The following ATM variants were observed in gnomAD, a reference collection of about 807,000 sequenced individuals.
ATM encodes the protein serine-protein kinase ATM.
Under a neutral mutation model 387.0 loss-of-function variants are expected in ATM, and 308 were observed. That is an observed-to-expected ratio of 0.80 (90% confidence interval 0.73 to 0.87). The LOEUF is 0.87. ATM is among the 40% of genes least tolerant of loss of function. The pLI, the probability that ATM is intolerant of heterozygous loss-of-function variation, is 0.00. For missense variants in ATM, 3,312 were observed against 3,560.9 expected (o/e 0.93, Z 1.78); for synonymous variants, 1,156 against 1,187.3 (o/e 0.97, Z 0.54).
chr11:108,256,237 TC>T lies in ATM; in HGVS notation c.2149del (p.Arg717GlyfsTer18). 1 of 1,608,244 alleles carries T rather than the reference TC, an allele frequency of 6.2e-7. No individual in the cohort carries two copies. The highest frequency in any genetic ancestry group is 8.5e-7 in the Non-Finnish European group (1 of 1,176,178). On this transcript the variant is annotated frameshift_variant, in exon 14 of 63. Transcript: ENST00000675843. LOFTEE classifies it high-confidence loss of function. ...SSEITNSETL[V>X]RCSRLLVGVL... ...AAGATTACAAATTCAGAAACTCTTG[TC>T]CGGTGTTCACGTCTTTTGGTGGGTG...
At chr11:108,325,923 G>C (rs1222949580) in intron 46 of ATM, 135 bp from the exon 47 acceptor site, 67 of 1,066,528 alleles carry the variant, frequency 6.3e-5, no homozygotes. Context: ...TGCAGACAGA[G>C]AGGTCCTTAA....
At chr11:108,300,507 G>C (rs1179076648) in intron 34 of ATM, among the ~76,000 whole-genome samples, 3 of 152,112 alleles carry the variant, frequency 2.0e-5, no homozygotes, top group Non-Finnish European at 4.4e-5. Flanking sequence ...TAGCCTCAAA[G>C]GGTTTTCCTC....
rs1404061954 is a variant in ATM at position 108,308,885 on chromosome 11, G to C, written c.5762+901G>C. On this transcript the variant is annotated intron_variant, in intron 38 of 62. Transcript: ENST00000675843. ...TTATACCAGATTATCTTCTGAGGAG[G>C]CCTATCAGAAGCTTTAATGTAGTGG... 3 of 731,466 alleles carry C rather than the reference G, an allele frequency of 4.1e-6. No homozygotes were observed. The Admixed American group carries it at 7.0e-5, about 17-fold the overall frequency. The allele number at this position is 731,466 out of a possible 1,614,324, so 45.3% of individuals were successfully genotyped here.
At chr11:108,262,090 C>A (rs1179992564) in intron 16 of ATM, among the ~76,000 whole-genome samples, 1 of 150,048 alleles carries the variant, frequency 6.7e-6, no homozygotes, top group Non-Finnish European at 1.5e-5. Context: ...CTTCCGCAAT[C>A]TAGCAAGGCA....
At chr11:108,331,663 AT>A in intron 51 of ATM, 106 bp downstream of exon 51, 1 of 1,408,796 alleles carries the variant, frequency 7.1e-7, no homozygotes, top group Non-Finnish European at 9.5e-7. Context: ...GAAATACAAA[AT>A]TTTGTATTTT....
Position 108,350,555 on chromosome 11 carries a change from A to G in ATM, c.8671+3190A>G, listed in dbSNP as rs541890761. Among the ~76,000 whole-genome samples, 4 of 152,330 alleles carry G rather than the reference A, an allele frequency of 2.6e-5. No individual in the cohort carries two copies. The East Asian group carries it at 7.7e-4, about 29-fold the overall frequency. ...TCCATTAGAACAGAGACAGTCACGG[A>G]TATTATATGGTTTTCCCCAGAATGA... On this transcript the variant is annotated intron_variant, in intron 59 of 62. Coordinates refer to ENST00000675843, the MANE Select transcript of ATM (RefSeq NM_000051.4).
chr11:108,312,389 G>T (rs757583426), intron 39 of ATM, 22 bp from the exon 40 acceptor site: 1 of 1,510,418 alleles, frequency 6.6e-7, no homozygotes, highest in South Asian at 1.1e-5. Context: ...CTCATTAAAA[G>T]AGGTGTTCTT....
At chr11:108,294,861 T>C (rs1653080073) in intron 31 of ATM, 66 bp from the exon 32 acceptor site, 14 of 1,586,274 alleles carry the variant, frequency 8.8e-6, no homozygotes, top group Middle Eastern at 1.7e-4. Context: ...TTTTTTTCTT[T>C]TATTAAGTTT....
chr11:108,320,140 T>C (rs573869828), intron 44 of ATM, 82 bp downstream of exon 44: 11 of 1,078,630 alleles, frequency 1.0e-5, no homozygotes, highest in African/African-American at 1.6e-5. Context: ...ACAATTTTAA[T>C]GTAAGGATTT....
chr11:108,326,468 C>CT (rs4988106), intron 47 of ATM, among the ~76,000 whole-genome samples: 1,962 of 152,166 alleles, frequency 0.013, 54 homozygotes, highest in African/African-American at 0.044. Flanking sequence ...AGTATTAAGC[C>CT]TTTAACTTCC....
chr11:108,345,844 G>C lies in ATM; in HGVS notation c.8520G>C (p.Leu2840Phe), dbSNP rs752652869. ...GTTACTTCTGCATGGAAAAATTCTTGGATCCAGCTATTTGGTTTGAGAAGC... is the reference window on the plus strand; with the variant it reads ...GTTACTTCTGCATGGAAAAATTCTTCGATCCAGCTATTTGGTTTGAGAAGC... ...VFRYFCMEKF[L>F]DPAIWFEKRL... The change falls in exon 58 of 63, where the codon TTG becomes TTC. Residue 2840 changes from leucine to phenylalanine, a missense_variant. Coordinates refer to ENST00000675843, the MANE Select transcript of ATM (RefSeq NM_000051.4). 14 of 1,613,696 alleles carry C rather than the reference G, an allele frequency of 8.7e-6. No homozygotes were observed. The African/African-American group carries it at 1.1e-4, about 12-fold the overall frequency.
Position 108,269,145 on chromosome 11 carries a change from A to G in ATM, c.2838+536A>G, listed in dbSNP as rs1359746910. 2.6e-5 allele frequency among the ~76,000 whole-genome samples: 4 copies of G among 152,220 alleles called. No homozygotes were observed. In the East Asian group the frequency reaches 5.8e-4, roughly 22 times the overall value. On this transcript the variant is annotated intron_variant, in intron 18 of 62. Coordinates refer to ENST00000675843, the MANE Select transcript of ATM (RefSeq NM_000051.4). ...CGTGATGCTCCTTATACTTCAGTGTATATTTCCTAAAAACAAGGATACACT... is the reference window on the plus strand; with the variant it reads ...CGTGATGCTCCTTATACTTCAGTGTGTATTTCCTAAAAACAAGGATACACT...
chr11:108,311,463 A>G (rs1277941163), intron 39 of ATM, among the ~76,000 whole-genome samples: 4 of 152,168 alleles, frequency 2.6e-5, no homozygotes, highest in African/African-American at 7.2e-5. Context: ...TGGGAGGCCA[A>G]AGTGAGAGGA....
At chr11:108,343,099 G>T (rs2136931238) in intron 56 of ATM, 123 bp from the exon 57 acceptor site, 4 of 1,239,700 alleles carry the variant, frequency 3.2e-6, no homozygotes, top group Non-Finnish European at 3.5e-6. Flanking sequence ...TGTCTTCTAT[G>T]GACAGAGAAA....
intron 16 of ATM, among the ~76,000 whole-genome samples, chr11:108,265,347 C>A (rs954913753): frequency 2.2e-4 from 34 of 152,180 alleles, no homozygotes; most frequent in Admixed American, 5.9e-4. Flanking sequence ...CAACTATCTG[C>A]TCTTTGACAA....
chr11:108,277,426 T>C (rs1230845687), intron 22 of ATM, among the ~76,000 whole-genome samples: 1 of 152,164 alleles, frequency 6.6e-6, no homozygotes, highest in Non-Finnish European at 1.5e-5. Context: ...AAAAACACTC[T>C]TGCAGCTAGC....
rs587780638 is a variant in ATM, at chr11:108,325,544, G to A, written c.6807G>A (p.Gln2269=). The change falls in exon 46 of 63, where the codon CAG becomes CAA. Residue 2269 remains glutamine, a splice_region_variant and synonymous_variant. Coordinates refer to ENST00000675843, the MANE Select transcript of ATM (RefSeq NM_000051.4). ...SILARTFKNT[Q]LPERAIFQIK... is the part of the protein sequence containing the mutation. ...TGGCCAGAACTTTCAAGAACACTCAGGTAAATACAATTTAAAACTATGTCA... is the reference window on the plus strand; with the variant it reads ...TGGCCAGAACTTTCAAGAACACTCAAGTAAATACAATTTAAAACTATGTCA... The A allele has an allele frequency of 6.3e-6, 10 of 1,591,990 alleles. No individual in the cohort carries two copies. Among genetic ancestry groups the A allele is most frequent in the Non-Finnish European group, 7.7e-6 (9 of 1,163,644 alleles).
intron 40 of ATM, 70 bp downstream of exon 40, chr11:108,312,568 C>T: frequency 9.1e-7 from 1 of 1,096,250 alleles, no homozygotes; most frequent in South Asian, 1.3e-5. Flanking sequence ...GTTATAGACA[C>T]TGTACAGATG....
At chr11:108,337,743 T>C (rs1044269091) in intron 56 of ATM, among the ~76,000 whole-genome samples, 3 of 152,242 alleles carry the variant, frequency 2.0e-5, no homozygotes, top group Non-Finnish European at 4.4e-5. Context: ...AGACTAGATA[T>C]TCTGTAATGT....
Sources: allele counts gnomAD v4.1 joint callset (sites outside exome capture counted in the v4.1 genomes callset), GRCh38; gene constraint gnomAD v4.1.1; transcripts MANE v1.5; gene names NCBI Gene and HGNC (gene_info 2026-07-23, HGNC 2026-07-21).